Variants in NNT observed in about 807,000 individuals in gnomAD.
NNT encodes NAD(P) transhydrogenase, mitochondrial.
A neutral mutation model predicts 104.8 loss-of-function variants in NNT; 50 were observed. That is an observed-to-expected ratio of 0.48 (90% CI 0.38 to 0.60). The LOEUF (loss-of-function observed/expected upper bound fraction) is 0.60, where lower values mean the gene tolerates loss of function less well. Among genes scored for constraint, NNT ranks in the 20% least tolerant of loss-of-function variants. The probability of loss-of-function intolerance (pLI) is 0.00; values close to 1 mark genes in which losing one functional copy is unlikely to be tolerated. For missense variants in NNT, 1,131 were observed against 1,330.7 expected, an observed-to-expected ratio of 0.85 and a Z score of 2.33; for synonymous variants, 461 against 490.4, an observed-to-expected ratio of 0.94 and a Z score of 0.79.
Position 43,656,806 on chromosome 5 carries a change from C to T in NNT, c.2447C>T (p.Ala816Val). The change falls in exon 16 of 22, where the codon GCT (alanine) becomes GTT (valine). Residue 816 changes from alanine to valine, a missense_variant. By Grantham distance (64) the Ala-to-Val change is moderately conservative (BLOSUM62 0). Transcript: ENST00000344920. ...TCLGSVSALSAVMGVTLTAAI... is the reference protein window; with the variant it reads ...TCLGSVSALSVVMGVTLTAAI... ...CTGGGTTCAGTGTCTGCTCTCTCTG[C>T]TGTCATGGTAAGAAGTCAGAGATTG... 3 of 1,610,670 alleles carry T rather than the reference C, an allele frequency of 1.9e-6. No homozygotes were observed. Among genetic ancestry groups the T allele is most frequent in the Non-Finnish European group, 2.5e-6 (3 of 1,179,066 alleles).
chr5:43,673,822 T>C (rs6875118), intron 17 of NNT, among the ~76,000 whole-genome samples: 22,572 of 151,960 alleles, frequency 0.15, 2,492 homozygotes, highest in African/African-American at 0.3. Flanking sequence ...AGTTTGAGAC[T>C]AGCCTGGCCA....
upstream of NNT, chr5:43,603,002 G>T (rs1749003307): frequency 6.6e-6 from 1 of 152,330 alleles, no homozygotes; most frequent in Admixed American, 6.5e-5. Context: ...AGGGCCCCTG[G>T]GGGTAACTAG....
chr5:43,649,032 G>C, intron 10 of NNT, 115 bp from the exon 11 acceptor site: 2 of 1,193,726 alleles, frequency 1.7e-6, no homozygotes, highest in Admixed American at 3.8e-5. Context: ...CTCATTACTG[G>C]CAAGGGAGTG....
chr5:43,689,181 C>T (rs1274860849), intron 19 of NNT, among the ~76,000 whole-genome samples: 1 of 152,096 alleles, frequency 6.6e-6, no homozygotes, highest in Non-Finnish European at 1.5e-5. Context: ...ATTTGTATAT[C>T]TTCTTTGAGA....
chr5:43,606,576 C>T (rs1749235562), intron 1 of NNT, among the ~76,000 whole-genome samples: 1 of 152,154 alleles, frequency 6.6e-6, no homozygotes, highest in Non-Finnish European at 1.5e-5. Flanking sequence ...AATAATTATT[C>T]ATACATATTT....
chr5:43,630,344 C>T (rs1750612194), intron 7 of NNT, among the ~76,000 whole-genome samples: 2 of 151,994 alleles, frequency 1.3e-5, no homozygotes, highest in Non-Finnish European at 2.9e-5. Flanking sequence ...GAAATTCAAA[C>T]TGTGGTGATA....
At chr5:43,670,409 G>T (rs904644630) in intron 17 of NNT, among the ~76,000 whole-genome samples, 2 of 152,180 alleles carry the variant, frequency 1.3e-5, no homozygotes, top group African/African-American at 2.4e-5. Context: ...GCTTTCTCTT[G>T]TGGGCATTTA....
chr5:43,628,111 GTTC>G (rs1561273776), intron 6 of NNT, 86 bp from the exon 7 acceptor site: 2 of 987,780 alleles, frequency 2.0e-6, no homozygotes. Flanking sequence ...ATAGTTTGTT[GTTC>G]TTAAAAAGGT....
intron 6 of NNT, among the ~76,000 whole-genome samples, chr5:43,624,370 C>T (rs4569878): frequency 6.6e-6 from 1 of 152,188 alleles, no homozygotes; most frequent in Non-Finnish European, 1.5e-5. Flanking sequence ...TCCTGAGTTT[C>T]TAACATGTTG....
chr5:43,608,994 G>T (rs550301461), intron 1 of NNT, 149 bp from the exon 2 acceptor site: 7 of 423,874 alleles, frequency 1.7e-5, no homozygotes, highest in African/African-American at 1.0e-4. Context: ...TATAAGTAAG[G>T]AACTTGGCAA....
intron 1 of NNT, among the ~76,000 whole-genome samples, chr5:43,605,210 C>A (rs955249748): frequency 3.3e-5 from 5 of 152,106 alleles, no homozygotes; most frequent in Admixed American, 3.3e-4. Context: ...CATATGAAAG[C>A]AATGCTTAAA....
intron 17 of NNT, among the ~76,000 whole-genome samples, chr5:43,666,251 G>A (rs62367656): frequency 0.034 from 5,132 of 152,238 alleles, 135 homozygotes; most frequent in East Asian, 0.12. Context: ...CGGCTGGGAG[G>A]GGGAGGTTGT....
chr5:43,687,944 T>C (rs1040293901), intron 19 of NNT, among the ~76,000 whole-genome samples: 1 of 152,088 alleles, frequency 6.6e-6, no homozygotes, highest in Non-Finnish European at 1.5e-5. Context: ...TAAAAACAAA[T>C]AAAATTAAAC....
At chr5:43,697,959 C>T (rs1385198435) in intron 19 of NNT, among the ~76,000 whole-genome samples, 1 of 152,040 alleles carries the variant, frequency 6.6e-6, no homozygotes, top group East Asian at 1.9e-4. Flanking sequence ...CACAGCCAAA[C>T]CATATCACTA....
At position 43,704,326 on chromosome 5, in the gene NNT, C is replaced by T; in HGVS notation, c.3183C>T (p.Asn1061=). 1 of 1,612,234 alleles carries T rather than the reference C, an allele frequency of 6.2e-7. No individual in the cohort carries two copies. The highest frequency in any genetic ancestry group is 1.1e-5 in the South Asian group (1 of 90,928). Residue 1061 remains asparagine, a synonymous_variant, in exon 22 of 22, where the codon AAC becomes AAT. Coordinates refer to ENST00000344920, the MANE Select transcript of NNT (RefSeq NM_182977.3). The stretch of plus-strand genomic sequence containing the variant: ...ACAATCCAATCTTCTACAAACCTAA[C>T]ACGGCCATGCTTCTAGGTGATGCCA... ...AVDNPIFYKP[N]TAMLLGDAKK...
intron 19 of NNT, among the ~76,000 whole-genome samples, chr5:43,690,209 A>G (rs1184312573): frequency 6.6e-6 from 1 of 152,184 alleles, no homozygotes; most frequent in Non-Finnish European, 1.5e-5. Flanking sequence ...TCCAGAAGGA[A>G]TTAAGCCTTC....
chr5:43,659,481 A>T (rs1740240545), intron 17 of NNT, 131 bp downstream of exon 17: 2 of 745,590 alleles, frequency 2.7e-6, no homozygotes, highest in Non-Finnish European at 4.1e-6. Flanking sequence ...CTGTAATCCC[A>T]GCACTTTAGG....
chr5:43,616,418 T>C (rs1008339420), intron 4 of NNT, among the ~76,000 whole-genome samples: 3 of 152,222 alleles, frequency 2.0e-5, no homozygotes, highest in African/African-American at 7.2e-5. Flanking sequence ...AGGTCAAAAA[T>C]GGTAGAATAG....
At position 43,616,032 on chromosome 5, in the gene NNT, A is replaced by G. The variant is rs780548392; in HGVS notation, c.566A>G (p.Tyr189Cys). 27 of 1,614,006 alleles carry G rather than the reference A, an allele frequency of 1.7e-5. No homozygotes were observed. Among genetic ancestry groups the G allele is most frequent in the Non-Finnish European group, 2.3e-5 (27 of 1,180,026 alleles). The change falls in exon 4 of 22, where the codon TAT (tyrosine) becomes TGT (cysteine). Residue 189 changes from tyrosine to cysteine, a missense_variant. Transcript: ENST00000344920. ...CCAAGAGTCACAATTGCTCAGGGAT[A>G]TGATGCGCTAAGCTCCATGGCCAAC... ...QVPRVTIAQG[Y>C]DALSSMANIA...
Sources: gnomAD v4.1 joint callset for allele counts (sites outside exome capture counted in the v4.1 genomes callset) on GRCh38, gnomAD v4.1.1 for gene constraint, MANE v1.5 for transcripts, NCBI Gene and HGNC (gene_info 2026-07-23, HGNC 2026-07-21) for gene names.